Variants in TMEM131 observed in about 807,000 individuals in gnomAD.
The protein encoded by TMEM131 is transmembrane protein 131, also known as 2610524E03Rik.
Under a neutral mutation model 211.6 loss-of-function variants are expected in TMEM131, and 66 were observed. The observed-to-expected ratio is 0.31, with a 90% CI of 0.26 to 0.38. TMEM131 has a LOEUF of 0.38. Among genes scored for constraint, TMEM131 ranks in the 10% least tolerant of loss-of-function variants. The pLI is 1.00. For missense variants in TMEM131, 2,036 were observed against 2,299.3 expected (o/e 0.89, Z 2.34); for synonymous variants, 844 against 841.3 (o/e 1.00, Z -0.06).
At chr2:97,888,175 C>T (rs1675238161) in intron 3 of TMEM131, 55 bp from the exon 4 acceptor site, 1 of 1,465,068 alleles carries the variant, frequency 6.8e-7, no homozygotes, top group African/African-American at 1.4e-5. Context: ...ATATGTTTCC[C>T]CAAACTCTAT....
chr2:97,801,996 G>A, intron 24 of TMEM131, 35 bp from the exon 25 acceptor site: 1 of 1,437,746 alleles, frequency 7.0e-7, no homozygotes, highest in Middle Eastern at 1.8e-4. Flanking sequence ...TTATTCATAA[G>A]CAACATCACA....
chr2:97,930,789 C>T (rs1395711763), intron 1 of TMEM131, among the ~76,000 whole-genome samples: 1 of 151,732 alleles, frequency 6.6e-6, no homozygotes, highest in Non-Finnish European at 1.5e-5. Context: ...CTTCCTCTCC[C>T]AAAAATATTT....
In TMEM131 at chr2:97,797,215, TA is replaced by T. The variant is rs1680810279; in HGVS notation, c.2870+149del. 8 of 863,042 alleles carry T rather than the reference TA, an allele frequency of 9.3e-6. No homozygotes were observed. In the East Asian group the frequency reaches 2.0e-4, roughly 21 times the overall value. 53.5% of individuals were successfully genotyped at this position (863,042 alleles called of 1,614,324 possible). A position where few individuals can be genotyped will look rare whatever the true frequency, so the allele number is the denominator to read the frequency against. On this transcript the variant is annotated intron_variant, in intron 26 of 40. Transcript: ENST00000186436. ...TGAACTATGCATTTGATAACAAAGG[TA>T]TGTTTCATCAGGCATGGAGTGTGTG...
At chr2:97,958,192 G>T (rs572612888) in intron 1 of TMEM131, among the ~76,000 whole-genome samples, 60 of 152,260 alleles carry the variant, frequency 3.9e-4, no homozygotes, top group African/African-American at 1.2e-3. Flanking sequence ...GGCTGGAGAG[G>T]GGGGCAGAAG....
At chr2:97,968,108 T>C (rs1679136441) in intron 1 of TMEM131, among the ~76,000 whole-genome samples, 1 of 152,124 alleles carries the variant, frequency 6.6e-6, no homozygotes, top group Non-Finnish European at 1.5e-5. Context: ...TCTGTAGGCC[T>C]GTTCACTCCA....
chr2:97,806,959 C>T (rs1243836984), intron 19 of TMEM131, among the ~76,000 whole-genome samples: 2 of 152,110 alleles, frequency 1.3e-5, no homozygotes, highest in African/African-American at 4.8e-5. Flanking sequence ...GGGCAGTCAC[C>T]GCACTTGGCG....
intron 22 of TMEM131, among the ~76,000 whole-genome samples, chr2:97,804,340 T>C (rs1012352813): frequency 2.6e-5 from 4 of 152,082 alleles, no homozygotes; most frequent in Admixed American, 6.6e-5. Flanking sequence ...AATGGAGCCC[T>C]GTGTGCTCCC....
rs938103716 is a variant in TMEM131, at chr2:97,855,244, G to A, written c.483+4060C>T. 2.6e-5 allele frequency among the ~76,000 whole-genome samples: 4 copies of A among 152,154 alleles called. No homozygotes were observed. In the East Asian group the frequency reaches 7.7e-4, roughly 29 times the overall value. On this transcript the variant is annotated intron_variant, in intron 5 of 40. Transcript: ENST00000186436. ...AAGTAACAAGTGCTTATTTTACTTA[G>A]TGATACAGTGCAAAGATGACTGAAT...
At chr2:97,780,046 A>C (rs1412389754) in intron 31 of TMEM131, among the ~76,000 whole-genome samples, 2 of 151,866 alleles carry the variant, frequency 1.3e-5, no homozygotes, top group Non-Finnish European at 2.9e-5. Context: ...AAACAAACAA[A>C]AAACAAACAA....
At chr2:97,982,102 C>A (rs1389433018) in intron 1 of TMEM131, among the ~76,000 whole-genome samples, 1 of 152,130 alleles carries the variant, frequency 6.6e-6, no homozygotes, top group Non-Finnish European at 1.5e-5. Context: ...CAGGACCTAC[C>A]AAACTGTTTT....
In TMEM131 at chr2:97,850,344, A is replaced by T. The variant is rs540547102; in HGVS notation, c.484-6083T>A. On this transcript the variant is annotated intron_variant, in intron 5 of 40. Coordinates refer to ENST00000186436, the MANE Select transcript of TMEM131 (RefSeq NM_015348.2). The stretch of plus-strand genomic sequence containing the variant: ...GTGAGTCATTCTGGGCACCGCAGGA[A>T]GGGAGAAAAACTAACTTATTCTTAG... Among the ~76,000 whole-genome samples the T allele has an allele frequency of 2.6e-5, 4 of 152,346 alleles. No individual in the cohort carries two copies. In the South Asian group the frequency reaches 8.3e-4, roughly 32 times the overall value.
chr2:97,992,599 C>T (rs958251690), intron 1 of TMEM131, among the ~76,000 whole-genome samples: 3 of 151,862 alleles, frequency 2.0e-5, no homozygotes, highest in African/African-American at 7.3e-5. Context: ...TCCAAAAACC[C>T]ACTTCACAAT....
chr2:97,903,829 G>C (rs1383618264), intron 3 of TMEM131, among the ~76,000 whole-genome samples: 1 of 152,036 alleles, frequency 6.6e-6, no homozygotes, highest in African/African-American at 2.4e-5. Context: ...GATTACAGGC[G>C]CATTTTGTAT....
At chr2:97,874,700 G>A (rs1205873403) in intron 4 of TMEM131, among the ~76,000 whole-genome samples, 1 of 152,194 alleles carries the variant, frequency 6.6e-6, no homozygotes, top group Non-Finnish European at 1.5e-5. Context: ...CACCAGGCCT[G>A]CCTTACAAGA....
intron 11 of TMEM131, among the ~76,000 whole-genome samples, chr2:97,820,992 T>C (rs936199277): frequency 1.3e-5 from 2 of 152,206 alleles, no homozygotes; most frequent in African/African-American, 4.8e-5. Context: ...CCAAGCTTTG[T>C]TACAGGTGAT....
chr2:97,918,935 T>TAACACA (rs1676624855), intron 2 of TMEM131, among the ~76,000 whole-genome samples: 1 of 152,240 alleles, frequency 6.6e-6, no homozygotes, highest in African/African-American at 2.4e-5. Context: ...TCAAATGTGT[T>TAACACA]GGTTGTCTAA....
chr2:97,788,595 C>T (rs145700102), intron 31 of TMEM131, among the ~76,000 whole-genome samples: 1 of 152,338 alleles, frequency 6.6e-6, no homozygotes, highest in Non-Finnish European at 1.5e-5. Flanking sequence ...ACCACCTGGG[C>T]ACATGGTTTC....
At chr2:97,931,837 T>C (rs571987646) in intron 1 of TMEM131, among the ~76,000 whole-genome samples, 1 of 152,242 alleles carries the variant, frequency 6.6e-6, no homozygotes, top group Non-Finnish European at 1.5e-5. Context: ...GCTGTTGTTA[T>C]GGCTGGCATC....
intron 1 of TMEM131, among the ~76,000 whole-genome samples, chr2:97,961,380 C>T (rs991616391): frequency 2.0e-5 from 3 of 152,130 alleles, no homozygotes; most frequent in Admixed American, 6.5e-5. Context: ...CAACAGCCTC[C>T]AAAAACATGA....
Sources: allele counts gnomAD v4.1 joint callset (sites outside exome capture counted in the v4.1 genomes callset), GRCh38; gene constraint gnomAD v4.1.1; transcripts MANE v1.5; gene names NCBI Gene and HGNC (gene_info 2026-07-23, HGNC 2026-07-21).